ZNF792: variants seen among roughly 807,000 people sequenced by gnomAD.
ZNF792 encodes the protein zinc finger protein 792.
A neutral mutation model predicts 13.1 loss-of-function variants in ZNF792; 14 were observed. The observed-to-expected ratio is 1.07, with a 90% CI of 0.71 to 1.67. The LOEUF is 1.67. Among genes scored for constraint, ZNF792 ranks in the 40% most tolerant of loss-of-function variants. The probability of loss-of-function intolerance (pLI) is 0.00; values close to 1 mark genes in which losing one functional copy is unlikely to be tolerated. For missense variants in ZNF792, 740 were observed against 807.9 expected, an observed-to-expected ratio of 0.92 and a Z score of 1.02; for synonymous variants, 257 against 292.0, an observed-to-expected ratio of 0.88 and a Z score of 1.22.
At position 34,958,076 on chromosome 19, in the gene ZNF792, C is replaced by T; in HGVS notation, c.1779G>A (p.Val593=). Residue 593 remains valine (V), a synonymous_variant, in exon 4 of 4, where the codon GTG becomes GTA. Transcript: ENST00000404801. ...IHIRERSMEN[V]LLPCSQHTPE... ...GTGTGTGCTGTGAACAGGGAAGGAG[C>T]ACATTCTCCATGCTCCTTTCTCTGA... 4 of 1,612,532 alleles carry T rather than the reference C, an allele frequency of 2.5e-6. No homozygotes were observed. Among genetic ancestry groups the T allele is most frequent in the Non-Finnish European group, 3.4e-6 (4 of 1,179,230 alleles).
chr19:34,960,343 T>C lies in ZNF792; in HGVS notation c.175A>G (p.Arg59Gly), dbSNP rs1180956468. The change falls in exon 3 of 4, where the codon AGG (arginine) becomes GGG (glycine). Residue 59 changes from arginine to glycine, a missense_variant. By Grantham distance (125) the Arg-to-Gly change is moderately radical. Coordinates refer to ENST00000404801, the MANE Select transcript of ZNF792 (RefSeq NM_175872.5). ...LIASLGLISF[R>G]SHIVSQLEMG... ...TCCAACTGGGAAACGATGTGGGACC[T>C]GAAAGATATAAGTCCTAAGGGAAAG... 6.2e-7 allele frequency: 1 copy of C among 1,613,038 alleles called. No individual in the cohort carries two copies. Among genetic ancestry groups the C allele is most frequent in the Non-Finnish European group, 8.5e-7 (1 of 1,179,610 alleles).
At position 34,958,729 on chromosome 19, in the gene ZNF792, TGAA is replaced by T; in HGVS notation, c.1123_1125del (p.Phe375del). 6.2e-7 allele frequency: 1 copy of T among 1,614,136 alleles called. No individual in the cohort carries two copies. Among genetic ancestry groups the T allele is most frequent in the South Asian group, 1.1e-5 (1 of 91,086 alleles). ...TGATGAATGAGGTTGGAACGCTGGC[TGAA>T]GAACTTCCCACAGTCGCTGCACTCA... On this transcript the variant is annotated inframe_deletion, in exon 4 of 4. Transcript: ENST00000404801.
At chr19:34,960,407 T>C in intron 2 of ZNF792, 50 bp from the exon 3 acceptor site, 1 of 1,594,212 alleles carries the variant, frequency 6.3e-7, no homozygotes, top group South Asian at 1.1e-5. Context: ...CCAGTTGAAC[T>C]ACCCCATGAT....
chr19:34,963,643 CG>C lies in ZNF792; in HGVS notation c.19del (p.Arg7GlyfsTer8). 1 of 1,602,040 alleles carries C rather than the reference CG, an allele frequency of 6.2e-7. No homozygotes were observed. Among genetic ancestry groups the C allele is most frequent in the East Asian group, 2.3e-5 (1 of 44,436 alleles). On this transcript the variant is annotated frameshift_variant, in exon 1 of 4. Transcript: ENST00000404801. LOFTEE classifies it high-confidence loss of function. ...CCAAGCACTCACCTGCGCGGGGTCC[CG>C]CAGCGCCGCCGCTGCCATCGGAGTC... MAAAAL[R>X]DPAQGCVTFE...
Position 34,959,608 on chromosome 19 carries a change from C to CT in ZNF792, c.284-38dup, listed in dbSNP as rs774321008. On this transcript the variant is annotated intron_variant, in intron 3 of 3. Transcript: ENST00000404801. ...GAAATGCTGGTGAAGTTCGTATAAA[C>CT]TTTAATAGAAGGAAAGAGCCCCATC... 54 of 1,512,246 alleles carry CT rather than the reference C, an allele frequency of 3.6e-5. No individual in the cohort carries two copies. The African/African-American group carries it at 6.8e-4, about 19-fold the overall frequency. The allele number at this position is 1,512,246 out of a possible 1,614,324, so 93.7% of individuals were successfully genotyped here.
rs771532530 is a variant in ZNF792 at position 34,963,669 on chromosome 19, CTG to C, written c.-9_-8del. The stretch of plus-strand genomic sequence containing the variant: ...GCAGCGCCGCCGCTGCCATCGGAGT[CTG>C]TGGTCAGAGCAGGGCCCCACGGTGC... On this transcript the variant is annotated 5_prime_UTR_variant, in exon 1 of 4. Coordinates refer to ENST00000404801, the MANE Select transcript of ZNF792 (RefSeq NM_175872.5). The C allele has an allele frequency of 9.1e-4, 1,462 of 1,601,122 alleles. 1 individual carries two copies. The highest frequency in any genetic ancestry group is 1.1e-3 in the Non-Finnish European group (1,348 of 1,174,722).
chr19:34,960,123 G>A (rs1425836799), intron 3 of ZNF792, 112 bp downstream of exon 3: 9 of 1,452,644 alleles, frequency 6.2e-6, no homozygotes, highest in Non-Finnish European at 7.5e-6. Context: ...GCAGAGACGT[G>A]GTCTGGCTAC....
rs2013517455 is a variant in ZNF792 at position 34,960,856 on chromosome 19, T to C, written c.160+12A>G. ...GGAGCTCGGGACACCGGGGTAGGGG[T>C]GACAGCCTTACCCAGCGAGGCTATA... On this transcript the variant is annotated intron_variant, in intron 2 of 3. Coordinates refer to ENST00000404801, the MANE Select transcript of ZNF792 (RefSeq NM_175872.5). 3 of 1,613,778 alleles carry C rather than the reference T, an allele frequency of 1.9e-6. No individual in the cohort carries two copies. The highest frequency in any genetic ancestry group is 2.7e-5 in the African/African-American group (2 of 74,964).
In ZNF792 at chr19:34,958,997, T is replaced by G; in HGVS notation, c.858A>C (p.Lys286Asn). Residue 286 changes from lysine (K) to asparagine (N), a missense_variant, in exon 4 of 4, where the codon AAA becomes AAC. Transcript: ENST00000404801. ...HSRERPYECS[K>N]CGIFFTYAAD... The stretch of plus-strand genomic sequence containing the variant: ...CGGCGTAAGTGAAGAAGATTCCACA[T>G]TTGCTGCATTCATAAGGCCTTTCTC... 1 of 1,614,058 alleles carries G rather than the reference T, an allele frequency of 6.2e-7. No individual in the cohort carries two copies.
rs1212784153 is a variant in ZNF792, at chr19:34,960,263, G to A, written c.255C>T (p.Ala85=). The part of the protein sequence containing the change: ...PDSVDMTSAM[A]RGAYGRPGSD... ...AGCCAGGCCTGCCATAAGCCCCTCT[G>A]GCCATGGCTGATGTCATATCCACAC... The change falls in exon 3 of 4, where the codon GCC becomes GCT. Residue 85 remains alanine, a synonymous_variant. Transcript: ENST00000404801. The A allele has an allele frequency of 1.2e-6, 2 of 1,613,762 alleles. No individual in the cohort carries two copies. The highest frequency in any genetic ancestry group is 1.7e-5 in the Admixed American group (1 of 60,002).
At chr19:34,963,151 G>C (rs957103412) in intron 1 of ZNF792, among the ~76,000 whole-genome samples, 1 of 152,238 alleles carries the variant, frequency 6.6e-6, no homozygotes, top group African/African-American at 2.4e-5. Flanking sequence ...CAGGGAGCCT[G>C]TTAAGACCTG....
chr19:34,960,808 T>C lies in ZNF792; in HGVS notation c.160+60A>G, dbSNP rs184296718. 106 of 1,612,294 alleles carry C rather than the reference T, an allele frequency of 6.6e-5. No homozygotes were observed. The East Asian group carries it at 2.2e-3, about 34-fold the overall frequency. On this transcript the variant is annotated intron_variant, in intron 2 of 3. Transcript: ENST00000404801. ...CTGTGGGAAGGAAAGAGCTGTTTCTTGGGCAAAGGGGACAGGCAGAGAGGA... is the reference window on the plus strand; with the variant it reads ...CTGTGGGAAGGAAAGAGCTGTTTCTCGGGCAAAGGGGACAGGCAGAGAGGA...
In ZNF792 at chr19:34,958,528, C is replaced by T; in HGVS notation, c.1327G>A (p.Val443Ile). The change falls in exon 4 of 4, where the codon GTT becomes ATT. Residue 443 changes from valine (V) to isoleucine (I), a missense_variant. Coordinates refer to ENST00000404801, the MANE Select transcript of ZNF792 (RefSeq NM_175872.5). ...CCGTGAGGCCGCTCGCCAGTGTGAA[C>T]TATCTGATGTTGAATGAGGCTGGCA... Reference protein sequence around the residue: ...HIASLIQHQIVHTGERPHGCG... With the variant: ...HIASLIQHQIIHTGERPHGCG... The T allele has an allele frequency of 1.3e-6, 2 of 1,595,410 alleles. No homozygotes were observed. The highest frequency in any genetic ancestry group is 8.5e-7 in the Non-Finnish European group (1 of 1,170,150).
rs34260548 is a variant in ZNF792, at chr19:34,960,248, G to A, written c.270C>T (p.Gly90=). Reference sequence around the variant, plus strand: ...ATCGCTGCTTACCAGAGCCAGGCCTGCCATAAGCCCCTCTGGCCATGGCTG... The same window carrying A: ...ATCGCTGCTTACCAGAGCCAGGCCTACCATAAGCCCCTCTGGCCATGGCTG... ...MTSAMARGAY[G]RPGSDFCHGT... Residue 90 remains glycine, a synonymous_variant, in exon 3 of 4, where the codon GGC becomes GGT. Coordinates refer to ENST00000404801, the MANE Select transcript of ZNF792 (RefSeq NM_175872.5). The A allele has an allele frequency of 3.5e-3, 5,710 of 1,613,778 alleles. 187 individuals are homozygous for A. In the African/African-American group the frequency reaches 0.064, roughly 18 times the overall value.
intron 1 of ZNF792, 68 bp from the exon 2 acceptor site, chr19:34,961,062 C>T (rs1312553182): frequency 1.8e-5 from 28 of 1,553,080 alleles, no homozygotes; most frequent in Non-Finnish European, 2.3e-5. Context: ...CCATCCCCTG[C>T]TCACTCTCCT....
rs1467002031 is a variant in ZNF792, at chr19:34,963,973, G to A, written c.-311C>T. The stretch of plus-strand genomic sequence containing the variant: ...CCTCGCGGTCCGGGAAAGCCGGCGG[G>A]GCAGCTTCACGGGCGTAGCCCCAGC... On this transcript the variant is annotated 5_prime_UTR_variant, in exon 1 of 4. Transcript: ENST00000404801. 1 of 364,160 alleles carries A rather than the reference G, an allele frequency of 2.7e-6. No homozygotes were observed. The highest frequency in any genetic ancestry group is 4.9e-6 in the Non-Finnish European group (1 of 202,560). The allele number at this position is 364,160 out of a possible 1,614,324, so 22.6% of individuals were successfully genotyped here.
rs947814719 is a variant in ZNF792 at position 34,962,530 on chromosome 19, C to G, written c.33+1100G>C. Among the ~76,000 whole-genome samples, 66 of 152,162 alleles carry G rather than the reference C, an allele frequency of 4.3e-4. 1 individual carries two copies. The highest frequency in any genetic ancestry group is 7.3e-5 in the Non-Finnish European group (5 of 68,034). On this transcript the variant is annotated intron_variant, in intron 1 of 3. Coordinates refer to ENST00000404801, the MANE Select transcript of ZNF792 (RefSeq NM_175872.5). ...TTAATCAAACCCTGGCCATTTGGGA[C>G]TGCTCATTACAGAAGTTATTGTTTT...
chr19:34,958,083 T>A lies in ZNF792; in HGVS notation c.1772A>T (p.Glu591Val). Residue 591 changes from glutamate (E) to valine (V), a missense_variant, in exon 4 of 4, where the codon GAG becomes GTG. Transcript: ENST00000404801. ...CTGTGAACAGGGAAGGAGCACATTC[T>A]CCATGCTCCTTTCTCTGATGTGAAT... ...QKIHIRERSM[E>V]NVLLPCSQHT... The A allele has an allele frequency of 6.2e-7, 1 of 1,612,594 alleles. No individual in the cohort carries two copies. Among genetic ancestry groups the A allele is most frequent in the East Asian group, 2.2e-5 (1 of 44,866 alleles).
In ZNF792 at chr19:34,960,278, C is replaced by T. The variant is rs1274935538; in HGVS notation, c.240G>A (p.Met80Ile). Residue 80 changes from methionine (M) to isoleucine (I), a missense_variant, in exon 3 of 4, where the codon ATG becomes ATA. By Grantham distance (10) the Met-to-Ile change is conservative. Transcript: ENST00000404801. ...AAGCCCCTCTGGCCATGGCTGATGT[C>T]ATATCCACACTGTCAGGCACCCAGG... Reference protein sequence around the residue: ...KEPWVPDSVDMTSAMARGAYG... With the variant: ...KEPWVPDSVDITSAMARGAYG... 6.2e-7 allele frequency: 1 copy of T among 1,613,856 alleles called. No individual in the cohort carries two copies. The highest frequency in any genetic ancestry group is 8.5e-7 in the Non-Finnish European group (1 of 1,179,870).
Sources: gnomAD v4.1 joint callset for allele counts (sites outside exome capture counted in the v4.1 genomes callset) on GRCh38, gnomAD v4.1.1 for gene constraint, MANE v1.5 for transcripts, NCBI Gene and HGNC (gene_info 2026-07-23, HGNC 2026-07-21) for gene names.